The following GDNF variants were observed in gnomAD, a reference collection of about 807,000 sequenced individuals.
GDNF encodes glial cell derived neurotrophic factor, also known as glial cell line-derived neurotrophic factor.
A neutral mutation model predicts 13.7 loss-of-function variants in GDNF; 5 were observed. The observed-to-expected ratio is 0.36, with a 90% CI of 0.19 to 0.77. GDNF has a LOEUF of 0.77. Ranked by LOEUF, GDNF falls within the 30% of genes least tolerant of loss-of-function variation. The probability of loss-of-function intolerance (pLI) is 0.51; values close to 1 mark genes in which losing one functional copy is unlikely to be tolerated. For missense variants in GDNF, 246 were observed against 274.3 expected (o/e 0.90, Z 0.73); for synonymous variants, 122 against 112.5 (o/e 1.08, Z -0.53).
intron 2 of GDNF, among the ~76,000 whole-genome samples, chr5:37,825,556 G>T (rs990483382): frequency 6.6e-6 from 1 of 152,198 alleles, no homozygotes; most frequent in African/African-American, 2.4e-5. Context: ...ACTTAACAGG[G>T]AAGGGTGAGA....
chr5:37,835,502 T>C, intron 1 of GDNF: 1 of 1,497,808 alleles, frequency 6.7e-7, no homozygotes, highest in Non-Finnish European at 9.0e-7. Flanking sequence ...GGATATCTGG[T>C]TTAAGTTACT....
intron 1 of GDNF, chr5:37,835,779 C>T (rs1750682947): frequency 1.2e-6 from 1 of 837,824 alleles, no homozygotes. Flanking sequence ...ACTGGCTCCC[C>T]GCGCCCCCGT....
chr5:37,825,416 C>T (rs1750274910), intron 2 of GDNF, among the ~76,000 whole-genome samples: 1 of 152,186 alleles, frequency 6.6e-6, no homozygotes, highest in Admixed American at 6.5e-5. Context: ...CAGGAAAACA[C>T]CCAACAGGGT....
At chr5:37,828,145 T>G (rs998213200) in intron 2 of GDNF, among the ~76,000 whole-genome samples, 1 of 152,206 alleles carries the variant, frequency 6.6e-6, no homozygotes, top group African/African-American at 2.4e-5. Flanking sequence ...GCAGTCACAC[T>G]AGGTTCCTAT....
chr5:37,835,832 G>T, intron 1 of GDNF: 2 of 663,784 alleles, frequency 3.0e-6, no homozygotes, highest in Admixed American at 4.4e-5. Flanking sequence ...CTTTGGAGGT[G>T]CTCTGGCACT....
In GDNF at chr5:37,815,750, G is replaced by A. The variant is rs1295024540; in HGVS notation, c.537C>T (p.Cys179=). 2 of 1,613,904 alleles carry A rather than the reference G, an allele frequency of 1.2e-6. No homozygotes were observed. The highest frequency in any genetic ancestry group is 1.3e-5 in the African/African-American group (1 of 74,914). Residue 179 remains cysteine, a synonymous_variant, in exon 3 of 3, where the codon TGC becomes TGT. Coordinates refer to ENST00000326524, the MANE Select transcript of GDNF (RefSeq NM_000514.4). This position sits in a 1 kb window ranked among gnomAD's most constrained non-coding sequence, Gnocchi z 5.0. ...LVSDKVGQAC[C]RPIAFDDDLS... ...GGTCATCATCAAAGGCGATGGGTCTGCAACATGCCTGCCCTACTTTGTCAC... is the reference window on the plus strand; with the variant it reads ...GGTCATCATCAAAGGCGATGGGTCTACAACATGCCTGCCCTACTTTGTCAC...
intron 2 of GDNF, among the ~76,000 whole-genome samples, chr5:37,833,891 C>G (rs1001784522): frequency 2.6e-5 from 4 of 152,160 alleles, no homozygotes; most frequent in African/African-American, 9.7e-5. Context: ...AGCTGATATG[C>G]CCTAATTGAC....
At position 37,837,211 on chromosome 5, in the gene GDNF, A is replaced by G. The variant is rs542024002; in HGVS notation, c.-27+2296T>C. ...CCTCGGCTTCTCAGTTTGTCTCTCT[A>G]TCGCTTTCCCAAAACACATCTACAT... On this transcript the variant is annotated intron_variant, in intron 1 of 2. Coordinates refer to ENST00000326524, the MANE Select transcript of GDNF (RefSeq NM_000514.4). This position sits in a 1 kb window ranked among gnomAD's most constrained non-coding sequence, Gnocchi z 6.5. Among the ~76,000 whole-genome samples the G allele has an allele frequency of 2.0e-4, 30 of 152,088 alleles. No individual in the cohort carries two copies. The Middle Eastern group carries it at 0.01, about 52-fold the overall frequency.
chr5:37,833,265 C>T (rs550022917), intron 2 of GDNF, among the ~76,000 whole-genome samples: 2 of 152,108 alleles, frequency 1.3e-5, no homozygotes, highest in South Asian at 4.1e-4. Context: ...TTTTGGAAGA[C>T]CCGGCACTAA....
chr5:37,815,827 T>C lies in GDNF; in HGVS notation c.460A>G (p.Thr154Ala), dbSNP rs104893891. The C allele has an allele frequency of 1.9e-6, 3 of 1,614,156 alleles. No individual in the cohort carries two copies. The highest frequency in any genetic ancestry group is 2.5e-6 in the Non-Finnish European group (3 of 1,179,990). The change falls in exon 3 of 3, where the codon ACA becomes GCA. Residue 154 changes from threonine (T) to alanine (A), a missense_variant. By Grantham distance (58) the Thr-to-Ala change is moderately conservative. Coordinates refer to ENST00000326524, the MANE Select transcript of GDNF (RefSeq NM_000514.4). The surrounding 1 kb of genome is among the most constrained non-coding windows in gnomAD (Gnocchi z 5.0). The stretch of plus-strand genomic sequence containing the variant: ...TTTTTCAATATTTTGTCGTACGTTG[T>C]CTCAGCTGCATCGCAAGAGCCGCTG... ...YCSGSCDAAETTYDKILKNLS... is the reference protein window; with the variant it reads ...YCSGSCDAAEATYDKILKNLS...
At chr5:37,821,089 T>C (rs1369598285) in intron 2 of GDNF, among the ~76,000 whole-genome samples, 1 of 152,164 alleles carries the variant, frequency 6.6e-6, no homozygotes, top group Non-Finnish European at 1.5e-5. Context: ...AGCCTCAATT[T>C]ATCGATGCGA....
chr5:37,828,361 C>G (rs1367865825), intron 2 of GDNF, among the ~76,000 whole-genome samples: 1 of 152,182 alleles, frequency 6.6e-6, no homozygotes, highest in Non-Finnish European at 1.5e-5. Context: ...TAAAAACATC[C>G]TGATCTGGAC....
intron 2 of GDNF, among the ~76,000 whole-genome samples, chr5:37,818,645 G>A (rs781464775): frequency 1.3e-5 from 2 of 152,052 alleles, no homozygotes; most frequent in African/African-American, 2.4e-5. Flanking sequence ...GTCCCCTAGG[G>A]GCAACACCAT....
At chr5:37,826,739 C>T (rs996807925) in intron 2 of GDNF, among the ~76,000 whole-genome samples, 23 of 152,230 alleles carry the variant, frequency 1.5e-4, no homozygotes, top group African/African-American at 5.1e-4. Context: ...TCAATTTCCA[C>T]ATGTGCCATG....
rs1749849219 is a variant in GDNF at position 37,814,790 on chromosome 5, T to C, written c.*861A>G. On this transcript the variant is annotated 3_prime_UTR_variant, in exon 3 of 3. Coordinates refer to ENST00000326524, the MANE Select transcript of GDNF (RefSeq NM_000514.4). ...GGTGACCACGCATCAACGGAGCTGG[T>C]TATGTAACATCTGTCTCTCTGTAAA... 1 of 152,240 alleles carries C rather than the reference T, an allele frequency of 6.6e-6. No individual in the cohort carries two copies. Among genetic ancestry groups the C allele is most frequent in the African/African-American group, 2.4e-5 (1 of 41,460 alleles). 9.4% of individuals were successfully genotyped at this position (152,240 alleles called of 1,614,324 possible).
intron 1 of GDNF, 110 bp from the exon 2 acceptor site, chr5:37,834,932 C>T (rs1168593139): frequency 7.0e-6 from 7 of 995,266 alleles, no homozygotes; most frequent in African/African-American, 1.6e-5. Flanking sequence ...CCTCCTCCGG[C>T]ACCGCTGCAG....
In GDNF at chr5:37,823,996, C is replaced by T. The variant is rs545817461; in HGVS notation, c.152-7861G>A. ...TATTTTAGAACTCTGCAGTGCTTGA[C>T]CTCTTCAGTTTACCTCTTGGCTGAA... is the stretch of plus-strand genomic sequence containing the variant. On this transcript the variant is annotated intron_variant, in intron 2 of 2. Coordinates refer to ENST00000326524, the MANE Select transcript of GDNF (RefSeq NM_000514.4). 74 of 930,846 alleles carry T rather than the reference C, an allele frequency of 7.9e-5. No homozygotes were observed. In the South Asian group the frequency reaches 2.0e-3, roughly 25 times the overall value. The allele number at this position is 930,846 out of a possible 1,614,324, so 57.7% of individuals were successfully genotyped here.
intron 2 of GDNF, among the ~76,000 whole-genome samples, chr5:37,828,079 C>G (rs188587145): frequency 6.6e-6 from 1 of 152,256 alleles, no homozygotes; most frequent in East Asian, 1.9e-4. Context: ...CAGTGGTGAC[C>G]CAAGTCTGCT....
rs1749805795 is a variant in GDNF at position 37,813,662 on chromosome 5, C to T, written c.*1989G>A. ...CTCACTGCAGCCTCGACCTTCTGGA[C>T]TCAAGTGATCCTCCTTCAGCCTCTT... On this transcript the variant is annotated 3_prime_UTR_variant, in exon 3 of 3. Coordinates refer to ENST00000326524, the MANE Select transcript of GDNF (RefSeq NM_000514.4). The T allele has an allele frequency of 6.8e-6, 1 of 147,490 alleles. No individual in the cohort carries two copies. The highest frequency in any genetic ancestry group is 1.5e-5 in the Non-Finnish European group (1 of 67,880). The allele number at this position is 147,490 out of a possible 1,614,324, so 9.1% of individuals were successfully genotyped here.
Sources: gnomAD v4.1 joint callset for allele counts (sites outside exome capture counted in the v4.1 genomes callset) on GRCh38, gnomAD v4.1.1 for gene constraint, Gnocchi (gnomAD v3.1) non-coding constraint, MANE v1.5 for transcripts, NCBI Gene and HGNC (gene_info 2026-07-23, HGNC 2026-07-21) for gene names.